KANSL1: variants seen among roughly 807,000 people sequenced by gnomAD.
KANSL1 encodes KAT8 regulatory NSL complex subunit 1.
In KANSL1, 22 loss-of-function variants were observed where a neutral mutation model predicts 103.6. The observed-to-expected ratio is 0.21, with a 90% confidence interval of 0.15 to 0.30. The LOEUF (loss-of-function observed/expected upper bound fraction) is 0.30. Among genes scored for constraint, KANSL1 ranks in the 10% least tolerant of loss-of-function variants. The pLI, the probability that KANSL1 is intolerant of heterozygous loss-of-function variation, is 1.00. For missense variants in KANSL1, 1,337 were observed against 1,399.8 expected (o/e 0.96, Z 0.72); for synonymous variants, 600 against 527.6 (o/e 1.14, Z -1.88).
intron 1 of KANSL1, among the ~76,000 whole-genome samples, chr17:46,189,906 CAAAAAAAAA>C (rs55934305): frequency 1.8e-5 from 2 of 112,480 alleles, no homozygotes; most frequent in Non-Finnish European, 3.5e-5. Context: ...GACCCTGCCT[CAAAAAAAAA>C]AAAAAAAAAA....
Position 46,047,664 on chromosome 17 carries a change from G to A in KANSL1, c.2020+2869C>T, listed in dbSNP as rs143924183. Among the ~76,000 whole-genome samples the A allele has an allele frequency of 7.1e-3, 1,078 of 152,056 alleles. 17 individuals carry two copies. Among genetic ancestry groups the A allele is most frequent in the African/African-American group, 0.025 (1,030 of 41,434 alleles). On this transcript the variant is annotated intron_variant, in intron 7 of 14. Coordinates refer to ENST00000432791, the MANE Select transcript of KANSL1 (RefSeq NM_015443.4). ...AAGCAGGTTGTGGTGGTGCACACTT[G>A]TAGTCCCAGATACTTAGGAGGCTGA...
chr17:46,089,001 A>C (rs1396540503), intron 3 of KANSL1, among the ~76,000 whole-genome samples: 2 of 152,202 alleles, frequency 1.3e-5, no homozygotes, highest in Admixed American at 1.3e-4. Flanking sequence ...TGTTAGAAAA[A>C]AAATGCTTTG....
intron 2 of KANSL1, among the ~76,000 whole-genome samples, chr17:46,142,903 T>C (rs2044498232): frequency 6.6e-6 from 1 of 152,180 alleles, no homozygotes; most frequent in African/African-American, 2.4e-5. Flanking sequence ...TATAAATAAA[T>C]ACAAAAAGCA....
At chr17:46,114,735 TTA>T (rs770612757) in intron 2 of KANSL1, among the ~76,000 whole-genome samples, 50 of 152,228 alleles carry the variant, frequency 3.3e-4, no homozygotes, top group Admixed American at 1.0e-3. Flanking sequence ...AATATCTTGT[TTA>T]AAGTTATTAG....
At chr17:46,194,175 G>A (rs2047524404), upstream of KANSL1, among the ~76,000 whole-genome samples, 1 of 152,272 alleles carries the variant, frequency 6.6e-6, no homozygotes, top group African/African-American at 2.4e-5. Flanking sequence ...CGCCGGGCCC[G>A]CTGGGAACTG....
intron 2 of KANSL1, among the ~76,000 whole-genome samples, chr17:46,144,271 G>A (rs1341613178): frequency 1.3e-5 from 2 of 152,148 alleles, no homozygotes; most frequent in African/African-American, 4.8e-5. Flanking sequence ...AAACTCTAGG[G>A]ATAATCAAAA....
intron 2 of KANSL1, among the ~76,000 whole-genome samples, chr17:46,113,842 T>C (rs2042927745): frequency 1.3e-5 from 2 of 152,176 alleles, no homozygotes; most frequent in Non-Finnish European, 2.9e-5. Flanking sequence ...ATAGACTTTG[T>C]AAGATCTTGA....
intron 1 of KANSL1, among the ~76,000 whole-genome samples, chr17:46,181,413 C>T (rs925419216): frequency 4.6e-5 from 7 of 152,026 alleles, no homozygotes; most frequent in African/African-American, 1.5e-4. Context: ...CACTTTCCTA[C>T]TCTGAACAAG....
intron 6 of KANSL1, among the ~76,000 whole-genome samples, chr17:46,059,643 A>AGAGAG (rs750783539): frequency 2.0e-5 from 1 of 49,362 alleles, no homozygotes; most frequent in African/African-American, 8.0e-5. Flanking sequence ...AAAAAAAAAA[A>AGAGAG]AAAAAGAGAG....
chr17:46,031,671 G>A lies in KANSL1; in HGVS notation c.3123C>T (p.Pro1041=). 2 of 1,610,250 alleles carry A rather than the reference G, an allele frequency of 1.2e-6. No homozygotes were observed. Among genetic ancestry groups the A allele is most frequent in the Non-Finnish European group, 1.7e-6 (2 of 1,176,854 alleles). ...SVQPWERRTF[P]LAHSPQAECE... is the part of the protein sequence containing the mutation. Reference sequence around the variant, plus strand: ...ACTCCGCCTGGGGACTGTGCGCCAGGGGGAAGGTCCGCCGCTCCCAGGGCT... The same window carrying A: ...ACTCCGCCTGGGGACTGTGCGCCAGAGGGAAGGTCCGCCGCTCCCAGGGCT... Residue 1041 remains proline (P), a synonymous_variant, in exon 15 of 15, where the codon CCC becomes CCT. Coordinates refer to ENST00000432791, the MANE Select transcript of KANSL1 (RefSeq NM_015443.4).
chr17:46,190,175 G>A (rs564074764), intron 1 of KANSL1, among the ~76,000 whole-genome samples: 85 of 152,332 alleles, frequency 5.6e-4, no homozygotes, highest in African/African-American at 1.9e-3. Context: ...CATTACTAGA[G>A]ATGGAAGAGT....
At chr17:46,168,636 C>G (rs1029078887) in intron 2 of KANSL1, among the ~76,000 whole-genome samples, 1 of 152,198 alleles carries the variant, frequency 6.6e-6, no homozygotes, top group Non-Finnish European at 1.5e-5. Flanking sequence ...CAGGAGTGAG[C>G]CACCGTGCCC....
At chr17:46,218,465 T>G (rs1010477493) in intron 1 of KANSL1, among the ~76,000 whole-genome samples, 7 of 152,186 alleles carry the variant, frequency 4.6e-5, no homozygotes, top group African/African-American at 1.7e-4. Context: ...TCACCACTAG[T>G]GTATGAGGAG....
chr17:46,105,432 C>G (rs2042489832), intron 2 of KANSL1, among the ~76,000 whole-genome samples: 1 of 152,012 alleles, frequency 6.6e-6, no homozygotes, highest in African/African-American at 2.4e-5. Flanking sequence ...GCCTGACCAA[C>G]ATGGTGAAAC....
At chr17:46,216,616 A>AAAAAAAAAT (rs778351416) in intron 1 of KANSL1, among the ~76,000 whole-genome samples, 4 of 147,872 alleles carry the variant, frequency 2.7e-5, no homozygotes, top group Admixed American at 6.9e-5. Flanking sequence ...AAAAAAAAAA[A>AAAAAAAAAT]GTTTCAAAGA....
intron 6 of KANSL1, among the ~76,000 whole-genome samples, chr17:46,055,771 C>T (rs1417421045): frequency 2.0e-5 from 3 of 151,970 alleles, no homozygotes; most frequent in Admixed American, 2.0e-4. Context: ...AAATAATCTG[C>T]CCTCGGTTAA....
Position 46,171,301 on chromosome 17 carries a change from G to T in KANSL1, c.843C>A (p.Asp281Glu). 6.2e-7 allele frequency: 1 copy of T among 1,614,118 alleles called. No homozygotes were observed. ...SSILFSALDSDTRITALLRRQ... is the reference protein window; with the variant it reads ...SSILFSALDSETRITALLRRQ... ...GCCGCAGTAAAGCTGTTATCCTTGT[G>T]TCAGAATCTAAAGCACTGAAAAGAA... The change falls in exon 2 of 15, where the codon GAC (aspartate) becomes GAA (glutamate). Residue 281 changes from aspartate to glutamate, a missense_variant. Asp to Glu is a conservative substitution (Grantham distance 45). This residue lies in a region of KANSL1 where 557 missense variants were observed against 476.4 expected (regional missense o/e 1.17). Transcript: ENST00000432791.
intron 5 of KANSL1, 107 bp downstream of exon 5, chr17:46,067,442 G>T (rs587756556): frequency 6.8e-6 from 5 of 736,216 alleles, no homozygotes; most frequent in East Asian, 5.0e-5. Flanking sequence ...AAGTGATAAG[G>T]CTTCCGCTTC....
intron 6 of KANSL1, among the ~76,000 whole-genome samples, chr17:46,054,855 CTT>C (rs34563738): frequency 7.7e-5 from 11 of 142,848 alleles, no homozygotes; most frequent in Non-Finnish European, 7.7e-5. Context: ...TTCAAAGTAA[CTT>C]TTTTTTTTTT....
Sources: gnomAD v4.1 joint callset for allele counts (sites outside exome capture counted in the v4.1 genomes callset) on GRCh38, gnomAD v4.1.1 for gene constraint, gnomAD v4.1.1 regional missense constraint, MANE v1.5 for transcripts, NCBI Gene and HGNC (gene_info 2026-07-23, HGNC 2026-07-21) for gene names.